CACNA1H: variants seen among roughly 807,000 people sequenced by gnomAD.
CACNA1H encodes calcium voltage-gated channel subunit alpha1 H.
Under a neutral mutation model 192.5 loss-of-function variants are expected in CACNA1H, and 149 were observed. That is an observed-to-expected ratio of 0.77 (90% CI 0.68 to 0.89). The LOEUF is 0.89. Among genes scored for constraint, CACNA1H ranks in the 40% least tolerant of loss-of-function variants. The probability of loss-of-function intolerance (pLI) is 0.00; values close to 1 mark genes in which losing one functional copy is unlikely to be tolerated. For synonymous variants in CACNA1H, 2,202 were observed against 1,475.2 expected (o/e 1.49, Z -11.29); for missense variants, 4,257 against 3,423.5 (o/e 1.24, Z -6.08).
At chr16:1,198,146 C>G (rs2141216889) in intron 5 of CACNA1H, among the ~76,000 whole-genome samples, 1 of 152,262 alleles carries the variant, frequency 6.6e-6, no homozygotes, top group East Asian at 1.9e-4. Flanking sequence ...GCTCCCAAGG[C>G]TCCTGCTGCC....
intron 2 of CACNA1H, among the ~76,000 whole-genome samples, chr16:1,154,473 G>T (rs1425786919): frequency 6.6e-6 from 1 of 152,186 alleles, no homozygotes; most frequent in Non-Finnish European, 1.5e-5. Flanking sequence ...AGAGGAGCTG[G>T]AGTCAGGGGC....
Position 1,218,398 on chromosome 16 carries a change from C to T in CACNA1H, c.5634C>T (p.Ala1878=), listed in dbSNP as rs373353512. ...KEAREDAELD[A]EIELEMAQGP... is the part of the protein sequence containing the mutation. ...CACGGGAGGATGCGGAGCTGGACGC[C>T]GAGATCGAGCTGGAGATGGCGCAGG... The change falls in exon 33 of 35, where the codon GCC becomes GCT. Residue 1878 remains alanine (A), a synonymous_variant. Transcript: ENST00000348261. The T allele has an allele frequency of 7.3e-5, 113 of 1,557,788 alleles. No homozygotes were observed. Among genetic ancestry groups the T allele is most frequent in the Middle Eastern group, 1.7e-4 (1 of 6,004 alleles).
In CACNA1H at chr16:1,200,708, C is replaced by A. The variant is rs59091981; in HGVS notation, c.1120-8C>A. 6.4e-7 allele frequency: 1 copy of A among 1,565,244 alleles called. No homozygotes were observed. The highest frequency in any genetic ancestry group is 2.4e-5 in the East Asian group (1 of 41,822). On this transcript the variant is annotated splice_polypyrimidine_tract_variant and splice_region_variant and intron_variant, in intron 7 of 34. Coordinates refer to ENST00000348261, the MANE Select transcript of CACNA1H (RefSeq NM_021098.3). ...GTGCGGGCCCAAGTCAAGCCACTGC[C>A]CCCCCAGGTGATCACGCTGGAAGGC... is the stretch of plus-strand genomic sequence containing the variant.
In CACNA1H at chr16:1,206,473, G is replaced by A. The variant is rs79013429; in HGVS notation, c.2789+184G>A. On this transcript the variant is annotated intron_variant, in intron 12 of 34. Coordinates refer to ENST00000348261, the MANE Select transcript of CACNA1H (RefSeq NM_021098.3). ...TGATTGGGCCCCTACTGTGTGCCACGTGTTAGACATGCAGGGAGTCAGATG... is the reference window on the plus strand; with the variant it reads ...TGATTGGGCCCCTACTGTGTGCCACATGTTAGACATGCAGGGAGTCAGATG... 549 of 606,186 alleles carry A rather than the reference G, an allele frequency of 9.1e-4. 1 individual carries two copies. The highest frequency in any genetic ancestry group is 8.9e-3 in the African/African-American group (477 of 53,884). The allele number at this position is 606,186 out of a possible 1,614,324, so 37.6% of individuals were successfully genotyped here.
At chr16:1,174,484 C>G (rs1964671288) in intron 2 of CACNA1H, among the ~76,000 whole-genome samples, 1 of 151,710 alleles carries the variant, frequency 6.6e-6, no homozygotes. Flanking sequence ...AGCCTGGACT[C>G]TGCAGGGTGG....
chr16:1,165,865 T>C (rs1457970935), intron 2 of CACNA1H, among the ~76,000 whole-genome samples: 1 of 152,196 alleles, frequency 6.6e-6, no homozygotes, highest in Non-Finnish European at 1.5e-5. Context: ...TCTGCTCCCC[T>C]TGGGAGAGGG....
At chr16:1,214,084 A>G (rs1969780832) in intron 27 of CACNA1H, among the ~76,000 whole-genome samples, 153 bp downstream of exon 27, 1 of 151,852 alleles carries the variant, frequency 6.6e-6, no homozygotes, top group Non-Finnish European at 1.5e-5. Context: ...GGGTCTTTTA[A>G]TGTTGATTGA....
chr16:1,196,293 G>A (rs563680285), intron 5 of CACNA1H, among the ~76,000 whole-genome samples: 37 of 152,386 alleles, frequency 2.4e-4, no homozygotes, highest in Middle Eastern at 6.8e-3. Context: ...GGGCCACTCC[G>A]AACCTCCGGT....
intron 2 of CACNA1H, among the ~76,000 whole-genome samples, chr16:1,179,296 C>G (rs1264235537): frequency 6.6e-6 from 1 of 151,954 alleles, no homozygotes; most frequent in African/African-American, 2.4e-5. Flanking sequence ...TTGGGGGTCC[C>G]TGACCTCAGT....
At chr16:1,199,702 G>A (rs117979503) in intron 6 of CACNA1H, among the ~76,000 whole-genome samples, 14,809 of 144,244 alleles carry the variant, frequency 0.1, 958 homozygotes, top group Non-Finnish European at 0.15. Flanking sequence ...TCTCACCCCC[G>A]AGTCTCCCCT....
chr16:1,163,641 G>A (rs1963453040), intron 2 of CACNA1H, among the ~76,000 whole-genome samples: 1 of 152,268 alleles, frequency 6.6e-6, no homozygotes, highest in Admixed American at 6.5e-5. Flanking sequence ...GCCTGCATTA[G>A]CGCCTCATTG....
chr16:1,203,066 C>T lies in CACNA1H; in HGVS notation c.2002+614C>T, dbSNP rs540131663. On this transcript the variant is annotated intron_variant, in intron 9 of 34. Transcript: ENST00000348261. Reference sequence around the variant, plus strand: ...CTGTACACAGATGTAGAGACGCAGGCGGGGGTGTGTCCCCCGTGGTGGGGA... The same window carrying T: ...CTGTACACAGATGTAGAGACGCAGGTGGGGGTGTGTCCCCCGTGGTGGGGA... Among the ~76,000 whole-genome samples the T allele has an allele frequency of 2.9e-4, 44 of 152,194 alleles. No homozygotes were observed. The South Asian group carries it at 6.2e-3, about 22-fold the overall frequency.
intron 2 of CACNA1H, among the ~76,000 whole-genome samples, chr16:1,187,414 G>A (rs1966182103): frequency 6.6e-6 from 1 of 152,216 alleles, no homozygotes; most frequent in South Asian, 2.1e-4. Context: ...TGAGTGGGGG[G>A]CTGTGGCCCA....
At chr16:1,154,272 G>C (rs1961994565) in intron 2 of CACNA1H, among the ~76,000 whole-genome samples, 1 of 152,148 alleles carries the variant, frequency 6.6e-6, no homozygotes, top group African/African-American at 2.4e-5. Context: ...GCCGGCTCCG[G>C]ACGGAGAAGG....
At position 1,195,923 on chromosome 16, in the gene CACNA1H, C is replaced by T. The variant is rs775863287; in HGVS notation, c.546-3C>T. On this transcript the variant is annotated splice_polypyrimidine_tract_variant and splice_region_variant and intron_variant, in intron 4 of 34. Coordinates refer to ENST00000348261, the MANE Select transcript of CACNA1H (RefSeq NM_021098.3). ...AGCTGCTCCCCCTCGGCCCCGCCCC[C>T]AGCATGATGGAGTACTCGTTGGACG... 1.1e-5 allele frequency: 18 copies of T among 1,612,402 alleles called. No homozygotes were observed. Among genetic ancestry groups the T allele is most frequent in the Admixed American group, 6.7e-5 (4 of 59,998 alleles).
intron 9 of CACNA1H, 97 bp downstream of exon 9, chr16:1,202,549 C>G: frequency 9.4e-7 from 1 of 1,069,154 alleles, no homozygotes; most frequent in Non-Finnish European, 1.3e-6. Context: ...TGTGGGCACT[C>G]TGATGAGCCC....
chr16:1,216,788 C>G, intron 30 of CACNA1H, 144 bp from the exon 31 acceptor site: 1 of 629,304 alleles, frequency 1.6e-6, no homozygotes. Context: ...GCTCTGGGAA[C>G]TTGCTTCCAC....
rs758066575 is a variant in CACNA1H, at chr16:1,209,358, G to C, written c.3690G>C (p.Leu1230=). The C allele has an allele frequency of 6.3e-7, 1 of 1,598,028 alleles. No individual in the cohort carries two copies. ...TGGCCCTGCCCAGCGACTTCTTCCT[G>C]CGCATCGACAGCCACCGTGAGGATG... ...QVVALPSDFF[L]RIDSHREDAA... is the part of the protein sequence containing the mutation. Residue 1230 remains leucine (L), a synonymous_variant, in exon 17 of 35, where the codon CTG becomes CTC. Coordinates refer to ENST00000348261, the MANE Select transcript of CACNA1H (RefSeq NM_021098.3).
intron 2 of CACNA1H, among the ~76,000 whole-genome samples, chr16:1,168,156 GC>G (rs559039084): frequency 6.6e-6 from 1 of 151,956 alleles, no homozygotes; most frequent in Non-Finnish European, 1.5e-5. Context: ...GGCCTCTGGT[GC>G]CCCCGCCCCC....
Sources: allele counts gnomAD v4.1 joint callset (sites outside exome capture counted in the v4.1 genomes callset), GRCh38; gene constraint gnomAD v4.1.1; transcripts MANE v1.5; gene names NCBI Gene and HGNC (gene_info 2026-07-23, HGNC 2026-07-21).